The following BMERB1 variants were observed in gnomAD, a reference collection of about 807,000 sequenced individuals.
BMERB1 encodes the protein bMERB domain containing 1.
Under a neutral mutation model 23.6 loss-of-function variants are expected in BMERB1, and 12 were observed. The ratio of observed to expected loss-of-function variants is 0.51; its 90% CI spans 0.33 to 0.82. BMERB1 has a LOEUF of 0.82. Ranked by LOEUF, BMERB1 falls within the 40% of genes least tolerant of loss-of-function variation. The pLI, the probability that BMERB1 is intolerant of heterozygous loss-of-function variation, is 0.03. For missense variants in BMERB1, 247 were observed against 255.4 expected (o/e 0.97, Z 0.22); for synonymous variants, 122 against 96.6 (o/e 1.26, Z -1.54).
intron 1 of BMERB1, among the ~76,000 whole-genome samples, chr16:15,441,003 G>A (rs1477031705): frequency 6.6e-6 from 1 of 152,132 alleles, no homozygotes; most frequent in Non-Finnish European, 1.5e-5. Flanking sequence ...GGCAGTAAAC[G>A]TAAAGGCCTT....
At chr16:15,548,208 C>A (rs1229135821) in intron 2 of BMERB1, among the ~76,000 whole-genome samples, 2 of 152,044 alleles carry the variant, frequency 1.3e-5, no homozygotes, top group Non-Finnish European at 2.9e-5. Flanking sequence ...TGGTCTTGAA[C>A]CCCTGATCTC....
At chr16:15,440,799 G>A (rs1012888383) in intron 1 of BMERB1, among the ~76,000 whole-genome samples, 35 of 152,174 alleles carry the variant, frequency 2.3e-4, no homozygotes, top group Non-Finnish European at 7.3e-5. Context: ...CCCACATAAA[G>A]CTTCTGTTTA....
chr16:15,526,605 A>C (rs12920380), intron 2 of BMERB1, among the ~76,000 whole-genome samples: 1 of 146,504 alleles, frequency 6.8e-6, no homozygotes, highest in Non-Finnish European at 1.5e-5. Context: ...TGGAGGTTGC[A>C]GTGAGCTGAG....
At position 15,565,802 on chromosome 16, in the gene BMERB1, A is replaced by G. The variant is rs374456000; in HGVS notation, c.231-2181A>G. Among the ~76,000 whole-genome samples the G allele has an allele frequency of 3.9e-5, 6 of 152,294 alleles. No individual in the cohort carries two copies. The East Asian group carries it at 9.6e-4, about 24-fold the overall frequency. On this transcript the variant is annotated intron_variant, in intron 2 of 5. Transcript: ENST00000300006. ...TTGAGCCCAGGAGTTCAGGGCTGCA[A>G]TGAGCTATGACTGTGCCTTGGGTGA... is the stretch of plus-strand genomic sequence containing the variant.
At chr16:15,494,613 CTT>C (rs1443219509) in intron 1 of BMERB1, among the ~76,000 whole-genome samples, 12 of 152,222 alleles carry the variant, frequency 7.9e-5, no homozygotes, top group Middle Eastern at 3.4e-3. Flanking sequence ...TGTGATAAAA[CTT>C]TGCCTTAGAC....
intron 1 of BMERB1, among the ~76,000 whole-genome samples, chr16:15,456,325 C>T (rs2150926082): frequency 6.6e-6 from 1 of 151,410 alleles, no homozygotes; most frequent in Admixed American, 6.6e-5. Flanking sequence ...AGTAATACAG[C>T]ATTATCTTTT....
At chr16:15,475,093 A>G (rs2051264103) in intron 1 of BMERB1, among the ~76,000 whole-genome samples, 1 of 152,044 alleles carries the variant, frequency 6.6e-6, no homozygotes, top group African/African-American at 2.4e-5. Flanking sequence ...ACTTTCCTAG[A>G]AAATATGAGG....
rs1267750458 is a variant in BMERB1 at position 15,587,650 on chromosome 16, GCCA to G, written c.*826_*828del. Reference sequence around the variant, plus strand: ...GACCTGGGCACTCCACCATTCCGGGGCCACCACAGAGATGCCAGCAGGATGCCA... The same window carrying G: ...GACCTGGGCACTCCACCATTCCGGGGCCACAGAGATGCCAGCAGGATGCCA... On this transcript the variant is annotated 3_prime_UTR_variant, in exon 6 of 6. Coordinates refer to ENST00000300006, the MANE Select transcript of BMERB1 (RefSeq NM_033201.3). 1 of 341,300 alleles carries G rather than the reference GCCA, an allele frequency of 2.9e-6. No individual in the cohort carries two copies. Among genetic ancestry groups the G allele is most frequent in the Admixed American group, 3.1e-5 (1 of 31,966 alleles). The allele number at this position is 341,300 out of a possible 1,614,324, so 21.1% of individuals were successfully genotyped here.
At chr16:15,454,785 C>CA (rs977389860) in intron 1 of BMERB1, among the ~76,000 whole-genome samples, 4 of 56,330 alleles carry the variant, frequency 7.1e-5, no homozygotes, top group African/African-American at 2.4e-4. Context: ...GAGTGAGACT[C>CA]AGTCTAAAAA....
intron 2 of BMERB1, among the ~76,000 whole-genome samples, chr16:15,535,440 G>A (rs2052015452): frequency 6.6e-6 from 1 of 152,108 alleles, no homozygotes; most frequent in African/African-American, 2.4e-5. Context: ...GAGGTCAAGA[G>A]ATGGAGACCA....
At chr16:15,560,582 A>G (rs1020340958) in intron 2 of BMERB1, among the ~76,000 whole-genome samples, 3 of 152,090 alleles carry the variant, frequency 2.0e-5, no homozygotes, top group African/African-American at 7.2e-5. Context: ...GCTTGAGTCC[A>G]GGAGTTTGAG....
At chr16:15,447,846 G>T in intron 1 of BMERB1, 2 of 455,892 alleles carry the variant, frequency 4.4e-6, no homozygotes, top group South Asian at 3.1e-5. Flanking sequence ...TGGCAATATG[G>T]GGCCATTGGA....
chr16:15,573,728 C>G (rs2030789353), intron 3 of BMERB1, among the ~76,000 whole-genome samples: 1 of 152,206 alleles, frequency 6.6e-6, no homozygotes, highest in Admixed American at 6.5e-5. Context: ...TAATCTTGTG[C>G]TTAATTTGTT....
intron 2 of BMERB1, among the ~76,000 whole-genome samples, chr16:15,558,716 G>C (rs1156288247): frequency 6.6e-6 from 1 of 151,828 alleles, no homozygotes; most frequent in African/African-American, 2.4e-5. Flanking sequence ...GCCGGTGGGG[G>C]GGTTAGGTAT....
At chr16:15,541,322 C>A (rs1033940377) in intron 2 of BMERB1, among the ~76,000 whole-genome samples, 1 of 151,962 alleles carries the variant, frequency 6.6e-6, no homozygotes, top group Non-Finnish European at 1.5e-5. Flanking sequence ...AACCTAGAGG[C>A]TCCCTGGATC....
chr16:15,453,573 C>T (rs1232691994), intron 1 of BMERB1, among the ~76,000 whole-genome samples: 1 of 150,616 alleles, frequency 6.6e-6, no homozygotes, highest in Non-Finnish European at 1.5e-5. Flanking sequence ...TAGAGTGAGA[C>T]CCTGTTCTAA....
At chr16:15,492,641 G>A (rs768334150) in intron 1 of BMERB1, among the ~76,000 whole-genome samples, 4 of 152,082 alleles carry the variant, frequency 2.6e-5, no homozygotes, top group African/African-American at 7.2e-5. Context: ...AATGGTGGCC[G>A]GGCACCATGG....
At chr16:15,583,997 C>A (rs1248804241) in intron 5 of BMERB1, 1 of 702,074 alleles carries the variant, frequency 1.4e-6, no homozygotes, top group African/African-American at 1.7e-5. Context: ...GGAGCTCTGG[C>A]CTCTCTTAGG....
chr16:15,506,521 C>T (rs959328474), intron 1 of BMERB1, among the ~76,000 whole-genome samples: 13 of 152,120 alleles, frequency 8.5e-5, no homozygotes, highest in African/African-American at 3.1e-4. Context: ...TACCTGAGTT[C>T]CTTTCTCAAG....
Sources: allele counts gnomAD v4.1 joint callset (sites outside exome capture counted in the v4.1 genomes callset), GRCh38; gene constraint gnomAD v4.1.1; transcripts MANE v1.5; gene names NCBI Gene and HGNC (gene_info 2026-07-23, HGNC 2026-07-21).